The following ERCC6 variants were observed in gnomAD, a reference collection of about 807,000 sequenced individuals.
ERCC6 encodes the protein DNA excision repair protein ERCC-6.
Under a neutral mutation model 158.7 loss-of-function variants are expected in ERCC6, and 116 were observed. The ratio of observed to expected loss-of-function variants is 0.73; its 90% CI spans 0.63 to 0.85. ERCC6 has a LOEUF of 0.85. Among genes scored for constraint, ERCC6 ranks in the 40% least tolerant of loss-of-function variants. The pLI is 0.00. For synonymous variants in ERCC6, 678 were observed against 659.3 expected, an observed-to-expected ratio of 1.03 and a Z score of -0.43; for missense variants, 1,698 against 1,799.4, an observed-to-expected ratio of 0.94 and a Z score of 1.02.
chr10:49,505,898 G>A lies in ERCC6; in HGVS notation c.1512C>T (p.Phe504=). The A allele has an allele frequency of 6.2e-7, 1 of 1,613,240 alleles. No homozygotes were observed. The highest frequency in any genetic ancestry group is 1.3e-5 in the African/African-American group (1 of 74,984). Reference sequence around the variant, plus strand: ...ATGGTACATACTTAAAAAGCTTTTTGAACAGAAAACCTGGCACTTTAAAAC... The same window carrying A: ...ATGGTACATACTTAAAAAGCTTTTTAAACAGAAAACCTGGCACTTTAAAAC... ...DEGFKVPGFL[F]KKLFKYQQTG... The change falls in exon 6 of 21, where the codon TTC becomes TTT. Residue 504 remains phenylalanine (F), a synonymous_variant. Coordinates refer to ENST00000355832, the MANE Select transcript of ERCC6 (RefSeq NM_000124.4).
chr10:49,483,055 G>T (rs1564423760), intron 9 of ERCC6, among the ~76,000 whole-genome samples, 192 bp from the exon 10 acceptor site: 1 of 152,076 alleles, frequency 6.6e-6, no homozygotes, highest in East Asian at 1.9e-4. Context: ...AAATGAGAAA[G>T]AATTTTTTCT....
At chr10:49,443,027 C>T in the ERCC6 span, among the ~76,000 whole-genome samples, 1 of 152,066 alleles carries the variant, frequency 6.6e-6, no homozygotes, top group Non-Finnish European at 1.5e-5. Flanking sequence ...ACGCTTGTGC[C>T]AATGAGGGTG....
At position 49,470,470 on chromosome 10, in the gene ERCC6, G is replaced by C. The variant is rs1850755966; in HGVS notation, c.3490C>G (p.Gln1164Glu). The change falls in exon 18 of 21, where the codon CAA becomes GAA. Residue 1164 changes from glutamine to glutamate, a missense_variant. Coordinates refer to ENST00000355832, the MANE Select transcript of ERCC6 (RefSeq NM_000124.4). ...SYKRERPSQA[Q>E]TEAFWENKQM... ...TTATTCTCCCAAAAAGCTTCTGTTT[G>C]AGCCTGGCTGGGTCTTTCTCTTTTG... 6.2e-7 allele frequency: 1 copy of C among 1,614,090 alleles called. No homozygotes were observed. Among genetic ancestry groups the C allele is most frequent in the East Asian group, 2.2e-5 (1 of 44,878 alleles).
In ERCC6 at chr10:49,460,227, A is replaced by G. The variant is rs12265674; in HGVS notation, c.4062+146T>C. 784 of 694,894 alleles carry G rather than the reference A, an allele frequency of 1.1e-3. 3 individuals carry two copies. The African/African-American group carries it at 0.012, about 11-fold the overall frequency. 43.0% of individuals were successfully genotyped at this position (694,894 alleles called of 1,614,324 possible). On this transcript the variant is annotated intron_variant, in intron 20 of 20. Transcript: ENST00000355832. The stretch of plus-strand genomic sequence containing the variant: ...TCCTTTTAGATTCAAGTGAATGTGC[A>G]TCGTAAATCAGAGCGTGCAACACAA...
chr10:49,454,167 A>C (rs150051412), downstream of ERCC6, among the ~76,000 whole-genome samples: 17 of 151,992 alleles, frequency 1.1e-4, no homozygotes, highest in African/African-American at 3.9e-4. Context: ...TGGAAAGCAT[A>C]TCTCTCTTAT....
At chr10:49,446,166 A>G in the ERCC6 span, among the ~76,000 whole-genome samples, 1 of 152,124 alleles carries the variant, frequency 6.6e-6, no homozygotes, top group South Asian at 2.1e-4. Flanking sequence ...GCACATACAA[A>G]AACCATGCTG....
At chr10:49,525,021 T>C (rs1300000131) in intron 4 of ERCC6, 1 of 857,670 alleles carries the variant, frequency 1.2e-6, no homozygotes, top group African/African-American at 1.7e-5. Context: ...TATTTCACTA[T>C]AAATATACTC....
chr10:49,475,204 C>T, intron 12 of ERCC6: 1 of 303,344 alleles, frequency 3.3e-6, no homozygotes, highest in Non-Finnish European at 6.5e-6. Flanking sequence ...AAAATACATA[C>T]CCAATTTCGA....
At chr10:49,495,516 C>A (rs1851252003) in intron 7 of ERCC6, among the ~76,000 whole-genome samples, 1 of 152,120 alleles carries the variant, frequency 6.6e-6, no homozygotes, top group Non-Finnish European at 1.5e-5. Flanking sequence ...GCTGGTAATG[C>A]CAAATCTAAG....
intron 7 of ERCC6, among the ~76,000 whole-genome samples, chr10:49,497,143 G>A (rs529352971): frequency 1.3e-5 from 2 of 152,340 alleles, no homozygotes; most frequent in South Asian, 4.1e-4. Context: ...TCTAAGCCAT[G>A]CTCCTCACCA....
chr10:49,478,283 G>A lies in ERCC6; in HGVS notation c.2286+71C>T, dbSNP rs878872455. 13 of 1,054,232 alleles carry A rather than the reference G, an allele frequency of 1.2e-5. No individual in the cohort carries two copies. In the South Asian group the frequency reaches 1.4e-4, roughly 11 times the overall value. The allele number at this position is 1,054,232 out of a possible 1,614,324, so 65.3% of individuals were successfully genotyped here. On this transcript the variant is annotated intron_variant, in intron 11 of 20. Coordinates refer to ENST00000355832, the MANE Select transcript of ERCC6 (RefSeq NM_000124.4). ...CTCACCAGACTCTCTCATCCGCAGAGGAGAATCAGAGTGAAGGGAAAGACA... is the reference window on the plus strand; with the variant it reads ...CTCACCAGACTCTCTCATCCGCAGAAGAGAATCAGAGTGAAGGGAAAGACA...
the ERCC6 span, among the ~76,000 whole-genome samples, chr10:49,436,858 A>G: frequency 6.6e-6 from 1 of 152,228 alleles, no homozygotes; most frequent in East Asian, 1.9e-4. Context: ...CATAGGTAAT[A>G]AGAAATTAGA....
At chr10:49,499,419 T>C (rs144600112) in intron 7 of ERCC6, among the ~76,000 whole-genome samples, 67 of 152,316 alleles carry the variant, frequency 4.4e-4, no homozygotes, top group African/African-American at 1.6e-3. Context: ...TGGTTCATAT[T>C]TGGCTCTCTA....
chr10:49,532,873 A>T lies in ERCC6; in HGVS notation c.92T>A (p.Ile31Asn), dbSNP rs1385083248. 1 of 1,614,182 alleles carries T rather than the reference A, an allele frequency of 6.2e-7. No individual in the cohort carries two copies. The highest frequency in any genetic ancestry group is 1.1e-5 in the South Asian group (1 of 91,082). Residue 31 changes from isoleucine (I) to asparagine (N), a missense_variant, in exon 2 of 21, where the codon ATC becomes AAC. Physicochemically the swap from Ile to Asn is moderately radical, Grantham distance 149 (BLOSUM62 -3). Transcript: ENST00000355832. ...QPVSNNEEMA[I>N]KQESGGDGEV... ...CCCATCACCACCACTTTCTTGCTTG[A>T]TTGCCATTTCTTCATTATTACTGAC...
intron 2 of ERCC6, 36 bp from the exon 3 acceptor site, chr10:49,530,876 G>A (rs201383229): frequency 6.2e-7 from 1 of 1,608,458 alleles, no homozygotes; most frequent in African/African-American, 1.3e-5. Context: ...TTTGCACTCT[G>A]ATAACATTTT....
chr10:49,539,018 T>G lies in ERCC6; in HGVS notation c.-71A>C, dbSNP rs183247492. Reference sequence around the variant, plus strand: ...GAGACGCTACCGCCGCCAGCCGCCTTGGAACCCAGCTCGACGGGCCGTGGC... The same window carrying G: ...GAGACGCTACCGCCGCCAGCCGCCTGGGAACCCAGCTCGACGGGCCGTGGC... On this transcript the variant is annotated 5_prime_UTR_variant, in exon 1 of 21. Coordinates refer to ENST00000355832, the MANE Select transcript of ERCC6 (RefSeq NM_000124.4). The G allele has an allele frequency of 4.6e-5, 7 of 152,810 alleles. No individual in the cohort carries two copies. Among genetic ancestry groups the G allele is most frequent in the Admixed American group, 4.6e-4 (7 of 15,316 alleles). 9.5% of individuals were successfully genotyped at this position (152,810 alleles called of 1,614,324 possible). A position where few individuals can be genotyped will look rare whatever the true frequency, so the allele number is the denominator to read the frequency against.
intron 12 of ERCC6, among the ~76,000 whole-genome samples, chr10:49,474,533 T>A (rs778084447): frequency 1.3e-5 from 2 of 152,170 alleles, no homozygotes; most frequent in Non-Finnish European, 1.5e-5. Flanking sequence ...AGAAAAAAGG[T>A]ATGCAGTTCA....
intron 8 of ERCC6, among the ~76,000 whole-genome samples, chr10:49,491,771 T>A (rs1402504469): frequency 2.0e-5 from 3 of 152,196 alleles, no homozygotes; most frequent in African/African-American, 2.4e-5. Context: ...AACATTTTTT[T>A]AAATTGCCTT....
At position 49,457,808 on chromosome 10, in the gene ERCC6, AC is replaced by A. The variant is rs1305010237; in HGVS notation, c.*1006del. Reference sequence around the variant, plus strand: ...AAAATAAACTGAGGATCAAAGCAACACCATCACAGAACCACAAACACATAAA... The same window carrying A: ...AAAATAAACTGAGGATCAAAGCAACACATCACAGAACCACAAACACATAAA... On this transcript the variant is annotated 3_prime_UTR_variant, in exon 21 of 21. Coordinates refer to ENST00000355832, the MANE Select transcript of ERCC6 (RefSeq NM_000124.4). The A allele has an allele frequency of 2.0e-5, 3 of 152,260 alleles. No homozygotes were observed. The allele number at this position is 152,260 out of a possible 1,614,324, so 9.4% of individuals were successfully genotyped here. A position where few individuals can be genotyped will look rare whatever the true frequency, so the allele number is the denominator to read the frequency against.
Sources: gnomAD v4.1 joint callset for allele counts (sites outside exome capture counted in the v4.1 genomes callset) on GRCh38, gnomAD v4.1.1 for gene constraint, MANE v1.5 for transcripts, NCBI Gene and HGNC (gene_info 2026-07-23, HGNC 2026-07-21) for gene names.